DNAH3: variants seen among roughly 807,000 people sequenced by gnomAD.
The protein encoded by DNAH3 is axonemal beta dynein heavy chain 3.
DNAH3 carries 332 observed loss-of-function variants against 432.5 expected under a neutral mutation model. That is an observed-to-expected ratio of 0.77 (90% confidence interval 0.70 to 0.84). The LOEUF (loss-of-function observed/expected upper bound fraction) is 0.84. DNAH3 is among the 40% of genes least tolerant of loss of function. DNAH3 has a pLI of 0.00. For synonymous variants in DNAH3, 1,956 were observed against 1,900.2 expected, an observed-to-expected ratio of 1.03 and a Z score of -0.76; for missense variants, 4,861 against 5,114.0, an observed-to-expected ratio of 0.95 and a Z score of 1.51.
Position 21,120,564 on chromosome 16 carries a change from G to T in DNAH3, c.1699+176C>A, listed in dbSNP as rs1344130393. ...AGTTCAGAGATAAAACAGTCTGAGG[G>T]GCTTAAGGAGGAAGCTAGGGCTGTG... On this transcript the variant is annotated intron_variant, in intron 11 of 61. Transcript: ENST00000261383. The T allele has an allele frequency of 1.1e-5, 7 of 629,088 alleles. No individual in the cohort carries two copies. The East Asian group carries it at 1.9e-4, about 17-fold the overall frequency. The allele number at this position is 629,088 out of a possible 1,614,324, so 39.0% of individuals were successfully genotyped here. A position where few individuals can be genotyped will look rare whatever the true frequency, so the allele number is the denominator to read the frequency against.
At chr16:21,065,157 G>A (rs1220600173) in intron 24 of DNAH3, among the ~76,000 whole-genome samples, 2 of 152,012 alleles carry the variant, frequency 1.3e-5, no homozygotes, top group Non-Finnish European at 2.9e-5. Flanking sequence ...CTATATTAGT[G>A]CTATTATTCA....
At chr16:21,051,036 A>G (rs2089933184) in intron 29 of DNAH3, among the ~76,000 whole-genome samples, 1 of 152,228 alleles carries the variant, frequency 6.6e-6, no homozygotes, top group Non-Finnish European at 1.5e-5. Flanking sequence ...AGTGGAATAA[A>G]TAAATGAATG....
At chr16:21,111,628 G>C (rs2092073979) in exon 14 of DNAH3, 1 of 1,610,098 alleles carries the variant, frequency 6.2e-7, no homozygotes, top group East Asian at 2.2e-5. Context: ...TACAATACCT[G>C]GTATTGGTGT....
At chr16:21,019,480 G>A (rs1597153266) in intron 41 of DNAH3, 144 bp downstream of exon 41, 3 of 914,740 alleles carry the variant, frequency 3.3e-6, no homozygotes, top group East Asian at 5.0e-5. Context: ...TTTTAATTCT[G>A]TAATTCCTTA....
chr16:21,047,812 T>A (rs1169019705), intron 31 of DNAH3, among the ~76,000 whole-genome samples: 1 of 151,104 alleles, frequency 6.6e-6, no homozygotes, highest in Non-Finnish European at 1.5e-5. Flanking sequence ...TGGTTTTATC[T>A]ACTTTTGGTC....
At chr16:21,146,767 CT>C (rs201298507) in intron 1 of DNAH3, among the ~76,000 whole-genome samples, 14 of 146,296 alleles carry the variant, frequency 9.6e-5, no homozygotes, top group Non-Finnish European at 4.5e-5. Flanking sequence ...TTCTTTCTTT[CT>C]TTTTTTTTTT....
intron 1 of DNAH3, chr16:21,158,591 G>A (rs575936784): frequency 1.3e-5 from 2 of 152,558 alleles, no homozygotes; most frequent in South Asian, 4.1e-4. Context: ...GAGCCCAGAG[G>A]AGAAGAGCCG....
Position 20,982,071 on chromosome 16 carries a change from G to A in DNAH3, c.7859+650C>T, listed in dbSNP as rs1203350316. Among the ~76,000 whole-genome samples the A allele has an allele frequency of 2.0e-5, 3 of 150,130 alleles. No homozygotes were observed. The South Asian group carries it at 6.3e-4, about 31-fold the overall frequency. ...ATATATGTGCTTTATACATAAAAGAGTAAATTTTCACCCTTATAGGAACTA... is the reference window on the plus strand; with the variant it reads ...ATATATGTGCTTTATACATAAAAGAATAAATTTTCACCCTTATAGGAACTA... On this transcript the variant is annotated intron_variant, in intron 49 of 61. Coordinates refer to ENST00000261383, the Ensembl canonical transcript of DNAH3.
At chr16:21,127,560 C>CAAA in intron 8 of DNAH3, 127 bp downstream of exon 9, 16 of 951,516 alleles carry the variant, frequency 1.7e-5, no homozygotes, top group Admixed American at 2.8e-5. Flanking sequence ...GACTCTGTCT[C>CAAA]AAAAAAAAAA....
chr16:21,101,857 C>G (rs754505454), intron 16 of DNAH3, among the ~76,000 whole-genome samples: 4 of 152,218 alleles, frequency 2.6e-5, no homozygotes, highest in Non-Finnish European at 4.4e-5. Context: ...CAGCCCGGAT[C>G]CAACAGACAA....
At chr16:21,080,675 G>T (rs959112033) in intron 20 of DNAH3, among the ~76,000 whole-genome samples, 6 of 152,176 alleles carry the variant, frequency 3.9e-5, no homozygotes, top group Non-Finnish European at 8.8e-5. Flanking sequence ...CTGAAAACGT[G>T]CATTCTAGCT....
At chr16:20,940,370 C>T (rs1423470560) in intron 59 of DNAH3, among the ~76,000 whole-genome samples, 1 of 151,988 alleles carries the variant, frequency 6.6e-6, no homozygotes, top group Admixed American at 6.6e-5. Flanking sequence ...CCTCAGTTTT[C>T]TTACTTGTAA....
chr16:20,936,746 C>G (rs1264163023), exon 60 of DNAH3: 1 of 1,611,894 alleles, frequency 6.2e-7, no homozygotes, highest in Non-Finnish European at 8.5e-7. Flanking sequence ...TGGCACTTTA[C>G]CCACAAGCAT....
Position 20,948,528 on chromosome 16 carries a change from G to T in DNAH3, c.11298C>A (p.Leu3766=), listed in dbSNP as rs536339888. 4.3e-6 allele frequency: 7 copies of T among 1,613,998 alleles called. No individual in the cohort carries two copies. The South Asian group carries it at 7.7e-5, about 18-fold the overall frequency. ...GGATGTAGTAAGTGTCTCCAGGAGC[G>T]AGGGAGTAATAGTCCTCCTCAATTT... Residue 3766 remains leucine, a synonymous_variant, in exon 57 of 62, where the codon CTC becomes CTA. Transcript: ENST00000261383.
At chr16:21,013,781 G>C (rs966898692) in intron 41 of DNAH3, among the ~76,000 whole-genome samples, 7 of 150,640 alleles carry the variant, frequency 4.6e-5, no homozygotes, top group Admixed American at 1.3e-4. Flanking sequence ...TGATTCAATG[G>C]ACATTAAGAG....
chr16:21,033,783 G>A (rs2089015765), intron 36 of DNAH3, among the ~76,000 whole-genome samples, 191 bp downstream of exon 36: 2 of 152,112 alleles, frequency 1.3e-5, no homozygotes, highest in South Asian at 4.1e-4. Flanking sequence ...GAAATCCCTT[G>A]TTATTATAGA....
intron 18 of DNAH3, among the ~76,000 whole-genome samples, chr16:21,090,275 A>T (rs2091492280): frequency 6.6e-6 from 1 of 151,802 alleles, no homozygotes; most frequent in South Asian, 2.1e-4. Context: ...TAACAGCAAA[A>T]CCTGTATAAT....
chr16:20,954,001 G>A (rs1214619315), intron 55 of DNAH3, among the ~76,000 whole-genome samples: 1 of 152,028 alleles, frequency 6.6e-6, no homozygotes, highest in Non-Finnish European at 1.5e-5. Flanking sequence ...CCTCTTTAAG[G>A]TTGATTAATA....
At chr16:21,127,745 C>T (rs1412108953) in exon 8 of DNAH3, 1 of 1,614,118 alleles carries the variant, frequency 6.2e-7, no homozygotes, top group East Asian at 2.2e-5. Context: ...TCCCAAAATT[C>T]CTGAGGCTGC....
Sources: allele counts gnomAD v4.1 joint callset (sites outside exome capture counted in the v4.1 genomes callset), GRCh38; gene constraint gnomAD v4.1.1; transcripts MANE v1.5; gene names NCBI Gene and HGNC (gene_info 2026-07-23, HGNC 2026-07-21).